The following CATSPER3 variants were observed in gnomAD, a reference collection of about 807,000 sequenced individuals.
CATSPER3 encodes the protein cation channel sperm-associated protein 3.
In CATSPER3, 23 loss-of-function variants were observed where a neutral mutation model predicts 36.6. The observed-to-expected ratio is 0.63, with a 90% CI of 0.45 to 0.89. The LOEUF (loss-of-function observed/expected upper bound fraction) is 0.89, where lower values mean the gene tolerates loss of function less well. Ranked by LOEUF, CATSPER3 falls within the 40% of genes least tolerant of loss-of-function variation. The pLI, the probability that CATSPER3 is intolerant of heterozygous loss-of-function variation, is 0.00. For missense variants in CATSPER3, 474 were observed against 503.9 expected, an observed-to-expected ratio of 0.94 and a Z score of 0.57; for synonymous variants, 172 against 184.1, an observed-to-expected ratio of 0.93 and a Z score of 0.53.
At chr5:134,996,645 TTA>T in intron 3 of CATSPER3, 133 bp downstream of exon 3, 1 of 776,998 alleles carries the variant, frequency 1.3e-6, no homozygotes. Context: ...AGGTTGATCT[TTA>T]CCAATATTAT....
At chr5:135,004,307 A>C (rs1752057515) in intron 3 of CATSPER3, among the ~76,000 whole-genome samples, 1 of 152,202 alleles carries the variant, frequency 6.6e-6, no homozygotes, top group South Asian at 2.1e-4. Context: ...CCTGGAACAG[A>C]AATGCCCGTG....
chr5:134,995,857 G>A (rs1417133244), intron 2 of CATSPER3: 2 of 276,142 alleles, frequency 7.2e-6, no homozygotes, highest in South Asian at 4.5e-5. Flanking sequence ...GAATATGTAT[G>A]ATTAAGTTAA....
chr5:135,005,024 C>G (rs1752067707), intron 3 of CATSPER3, among the ~76,000 whole-genome samples: 1 of 151,962 alleles, frequency 6.6e-6, no homozygotes, highest in Non-Finnish European at 1.5e-5. Context: ...GGGCGGAGGG[C>G]AGGGGGCTGA....
intron 3 of CATSPER3, among the ~76,000 whole-genome samples, chr5:135,000,972 G>C (rs1752012855): frequency 6.6e-6 from 1 of 152,014 alleles, no homozygotes; most frequent in Non-Finnish European, 1.5e-5. Context: ...GCTAGCTTTT[G>C]AATGTGTTTG....
At chr5:135,000,836 G>A (rs552558743) in intron 3 of CATSPER3, among the ~76,000 whole-genome samples, 13 of 151,958 alleles carry the variant, frequency 8.6e-5, no homozygotes, top group East Asian at 5.8e-4. Context: ...TCTTGCTAGT[G>A]GTCTATCAAT....
chr5:135,006,350 C>T (rs1462184064), intron 3 of CATSPER3, among the ~76,000 whole-genome samples: 1 of 152,190 alleles, frequency 6.6e-6, no homozygotes, highest in Non-Finnish European at 1.5e-5. Context: ...AGGTGGGAGG[C>T]CCAACCAGGC....
intron 2 of CATSPER3, among the ~76,000 whole-genome samples, chr5:134,988,674 C>T (rs955723896): frequency 3.3e-5 from 5 of 152,296 alleles, no homozygotes; most frequent in Admixed American, 3.3e-4. Context: ...ATTTCTAATT[C>T]TAGTTCACTT....
intron 1 of CATSPER3, chr5:134,969,089 A>G (rs1005890146): frequency 1.3e-5 from 2 of 152,228 alleles, no homozygotes; most frequent in Non-Finnish European, 2.9e-5. Context: ...ATTTCACAAG[A>G]TGGACATACC....
At position 134,984,944 on chromosome 5, in the gene CATSPER3, G is replaced by A. The variant is rs142254641; in HGVS notation, c.253-11329G>A. On this transcript the variant is annotated intron_variant, in intron 2 of 7. Transcript: ENST00000282611. ...AGTGATTCTCCCGCCTCAGCTTCCCGAGTAGCTGTGATTACAGGCATACGC... is the reference window on the plus strand; with the variant it reads ...AGTGATTCTCCCGCCTCAGCTTCCCAAGTAGCTGTGATTACAGGCATACGC... Among the ~76,000 whole-genome samples the A allele has an allele frequency of 3.7e-3, 555 of 151,920 alleles. 7 individuals carry two copies. In the East Asian group the frequency reaches 0.037, roughly 10 times the overall value.
intron 6 of CATSPER3, 48 bp downstream of exon 6, chr5:135,009,538 A>G (rs947013752): frequency 2.9e-6 from 2 of 699,794 alleles, no homozygotes. Flanking sequence ...ATGGATCGTC[A>G]GGCTGATGAG....
rs1752179652 is a variant in CATSPER3 at position 135,011,525 on chromosome 5, C to T, written c.1099C>T (p.Gln367Ter). 6.2e-7 allele frequency: 1 copy of T among 1,612,978 alleles called. No homozygotes were observed. Among genetic ancestry groups the T allele is most frequent in the Non-Finnish European group, 8.5e-7 (1 of 1,179,106 alleles). Residue 367 changes from glutamine to a stop codon, truncating the protein, a stop_gained, in exon 8 of 8, where the codon CAA (glutamine) becomes TAA (stop). Transcript: ENST00000282611. LOFTEE classifies it low-confidence loss of function (END_TRUNC). ...DYQDTTVHKL[Q>*]ELYYEIVHVL... is the part of the protein sequence containing the mutation. ...TCCTCCTGCTCCATTTTTCAGGCTT[C>T]AAGAGCTGTACTATGAGATCGTGCA...
intron 2 of CATSPER3, among the ~76,000 whole-genome samples, chr5:134,988,125 T>G (rs1465401496): frequency 6.6e-6 from 1 of 152,248 alleles, no homozygotes; most frequent in Non-Finnish European, 1.5e-5. Flanking sequence ...TGTAGTCTGT[T>G]AAGTGTGCAA....
rs749650858 is a variant in CATSPER3, at chr5:135,009,478, G to C, written c.924G>C (p.Leu308=). The change falls in exon 6 of 8, where the codon CTG becomes CTC. Residue 308 remains leucine (L), a synonymous_variant. Transcript: ENST00000282611. ...GGCAGCAGGAGGAGATCAGCAGGCTGATGCACATACAGGTGAGTGGCCCCT... is the reference window on the plus strand; with the variant it reads ...GGCAGCAGGAGGAGATCAGCAGGCTCATGCACATACAGGTGAGTGGCCCCT... The part of the protein sequence containing the change: ...LQRQQEEISR[L]MHIQKNADCT... 1.9e-6 allele frequency: 3 copies of C among 1,613,308 alleles called. No homozygotes were observed. The highest frequency in any genetic ancestry group is 4.5e-5 in the East Asian group (2 of 44,878).
intron 2 of CATSPER3, among the ~76,000 whole-genome samples, chr5:134,991,897 G>A (rs898292576): frequency 1.3e-5 from 2 of 152,176 alleles, no homozygotes; most frequent in African/African-American, 4.8e-5. Context: ...TTGAGAGGCC[G>A]AGGTGGGAGG....
At chr5:135,000,320 G>T (rs997938730) in intron 3 of CATSPER3, among the ~76,000 whole-genome samples, 9 of 152,310 alleles carry the variant, frequency 5.9e-5, no homozygotes, top group African/African-American at 2.2e-4. Flanking sequence ...GATTCGGTTT[G>T]CCAGTATTTT....
At position 135,002,716 on chromosome 5, in the gene CATSPER3, C is replaced by T. The variant is rs533693168; in HGVS notation, c.493-5241C>T. On this transcript the variant is annotated intron_variant, in intron 3 of 7. Transcript: ENST00000282611. ...ATTTCATTCATTTGATCTTCAATCA[C>T]TGATACCCTTTCTTCCAGTTGATTG... is the stretch of plus-strand genomic sequence containing the variant. Among the ~76,000 whole-genome samples the T allele has an allele frequency of 9.2e-5, 14 of 152,320 alleles. No homozygotes were observed. The East Asian group carries it at 2.1e-3, about 23-fold the overall frequency.
intron 2 of CATSPER3, among the ~76,000 whole-genome samples, chr5:134,972,478 T>C (rs1361320412): frequency 6.6e-6 from 1 of 152,060 alleles, no homozygotes; most frequent in Non-Finnish European, 1.5e-5. Flanking sequence ...AGGAAAGAAC[T>C]AGAAATAAAA....
At position 135,008,099 on chromosome 5, in the gene CATSPER3, ACCTGGCTG is replaced by A. The variant is rs928831089; in HGVS notation, c.637_644del (p.Leu213SerfsTer12). ...AATGGTGACCATGATAACTGGGGGA[ACCTGGCTG>A]CAGCTTTTTTCACCCTCTTCAGCTT... On this transcript the variant is annotated frameshift_variant, in exon 4 of 8. Transcript: ENST00000282611. LOFTEE classifies it high-confidence loss of function. The A allele has an allele frequency of 7.4e-6, 12 of 1,613,982 alleles. No individual in the cohort carries two copies. In the Admixed American group the frequency reaches 1.0e-4, roughly 13 times the overall value.
intron 3 of CATSPER3, among the ~76,000 whole-genome samples, chr5:135,000,304 C>T (rs1752004596): frequency 1.3e-5 from 2 of 152,318 alleles, no homozygotes; most frequent in South Asian, 2.1e-4. Flanking sequence ...TTTTGATGTG[C>T]TGCTGGATTC....
Sources: allele counts gnomAD v4.1 joint callset (sites outside exome capture counted in the v4.1 genomes callset), GRCh38; gene constraint gnomAD v4.1.1; transcripts MANE v1.5; gene names NCBI Gene and HGNC (gene_info 2026-07-23, HGNC 2026-07-21).